Variants in OCIAD2 observed in about 807,000 individuals in gnomAD.
The protein encoded by OCIAD2 is OCIA domain-containing protein 2.
OCIAD2 carries 29 observed loss-of-function variants against 22.9 expected under a neutral mutation model. That is an observed-to-expected ratio of 1.27 (90% CI 0.94 to 1.73). OCIAD2 has a LOEUF of 1.73. OCIAD2 is among the 40% of genes most tolerant of loss of function. The pLI is 0.00. For missense variants in OCIAD2, 189 were observed against 180.3 expected, an observed-to-expected ratio of 1.05 and a Z score of -0.28; for synonymous variants, 67 against 60.2, an observed-to-expected ratio of 1.11 and a Z score of -0.52.
rs185850337 is a variant in OCIAD2 at position 48,902,942 on chromosome 4, G to C, written c.66+1542C>G. Among the ~76,000 whole-genome samples the C allele has an allele frequency of 7.2e-5, 11 of 152,138 alleles. No homozygotes were observed. In the East Asian group the frequency reaches 9.7e-4, roughly 13 times the overall value. On this transcript the variant is annotated intron_variant, in intron 2 of 6. Coordinates refer to ENST00000508632, the MANE Select transcript of OCIAD2 (RefSeq NM_001014446.3). ...CACTCTAGCCTGGATGACAGAGTGA[G>C]ACTCCATCTCAAAAAAAAAGGATCT...
intron 6 of OCIAD2, among the ~76,000 whole-genome samples, chr4:48,887,972 A>G (rs1203218683): frequency 1.3e-5 from 2 of 152,210 alleles, no homozygotes; most frequent in Admixed American, 1.3e-4. Context: ...ACCCATGAGC[A>G]TGGAATGTTC....
chr4:48,894,003 T>C lies in OCIAD2; in HGVS notation c.265+3A>G. The C allele has an allele frequency of 6.6e-7, 1 of 1,515,812 alleles. No homozygotes were observed. The highest frequency in any genetic ancestry group is 8.9e-7 in the Non-Finnish European group (1 of 1,125,868). 93.9% of individuals were successfully genotyped at this position (1,515,812 alleles called of 1,614,324 possible). A position where few individuals can be genotyped will look rare whatever the true frequency, so the allele number is the denominator to read the frequency against. ...GGCTTGCTTTTTTATTTCTATGACT[T>C]ACGTGCAACTTTGGGCAATGATCCA... On this transcript the variant is annotated splice_donor_region_variant and intron_variant, in intron 5 of 6. Coordinates refer to ENST00000508632, the MANE Select transcript of OCIAD2 (RefSeq NM_001014446.3).
intron 3 of OCIAD2, 28 bp downstream of exon 3, chr4:48,899,801 C>A: frequency 1.3e-6 from 2 of 1,520,024 alleles, no homozygotes; most frequent in South Asian, 2.3e-5. Flanking sequence ...CAGTTTACTG[C>A]CACAAATACA....
chr4:48,890,062 C>T (rs1441469568), intron 6 of OCIAD2, among the ~76,000 whole-genome samples: 1 of 134,272 alleles, frequency 7.4e-6, no homozygotes, highest in African/African-American at 2.9e-5. Context: ...ACAATGAGAA[C>T]ACTTGGACAC....
intron 6 of OCIAD2, among the ~76,000 whole-genome samples, chr4:48,886,676 T>A (rs1316447889): frequency 4.2e-4 from 64 of 152,240 alleles, no homozygotes; most frequent in African/African-American, 1.5e-3. Context: ...GAACTCATCC[T>A]TTTTTTATGG....
rs768258880 is a variant in OCIAD2 at position 48,885,524 on chromosome 4, C to A, written c.425G>T (p.Gly142Val). ...LTCEECKIKHGLSEKGDSQPS... is the reference protein window; with the variant it reads ...LTCEECKIKHVLSEKGDSQPS... ...CTGAGAGTCTCCCTTCTCACTTAAT[C>A]CATGCTTTATTTTGCATTCCTCACA... Residue 142 changes from glycine (G) to valine (V), a missense_variant, in exon 7 of 7, where the codon GGA (glycine) becomes GTA (valine). Gly to Val is a moderately radical substitution (Grantham distance 109). Coordinates refer to ENST00000508632, the MANE Select transcript of OCIAD2 (RefSeq NM_001014446.3). 6.2e-7 allele frequency: 1 copy of A among 1,611,846 alleles called. No individual in the cohort carries two copies. Among genetic ancestry groups the A allele is most frequent in the Non-Finnish European group, 8.5e-7 (1 of 1,177,940 alleles).
At chr4:48,903,556 T>A (rs1332708060) in intron 2 of OCIAD2, among the ~76,000 whole-genome samples, 1 of 151,588 alleles carries the variant, frequency 6.6e-6, no homozygotes, top group African/African-American at 2.4e-5. Flanking sequence ...TGCTCTGCTA[T>A]CAGAAACCTC....
chr4:48,895,313 T>A (rs79629909), intron 4 of OCIAD2, among the ~76,000 whole-genome samples: 1 of 152,202 alleles, frequency 6.6e-6, no homozygotes, highest in South Asian at 2.1e-4. Flanking sequence ...CTGAAAAAAA[T>A]GTATTAGCAT....
chr4:48,886,764 A>C (rs1392747504), intron 6 of OCIAD2, among the ~76,000 whole-genome samples: 4 of 152,028 alleles, frequency 2.6e-5, no homozygotes, highest in African/African-American at 4.8e-5. Flanking sequence ...GGTTGGTTCC[A>C]AGTCTTTGCT....
At chr4:48,899,478 T>A (rs559305129) in intron 3 of OCIAD2, among the ~76,000 whole-genome samples, 13 of 152,322 alleles carry the variant, frequency 8.5e-5, no homozygotes, top group Admixed American at 3.3e-4. Context: ...TTGACATTAT[T>A]TCTGAACCCT....
In OCIAD2 at chr4:48,885,230, C is replaced by G. The variant is rs1219284952; in HGVS notation, c.*254G>C. Reference sequence around the variant, plus strand: ...TCATGAACTCCTGACCTCAAATGATCTGCCTGCCTCGGCCTCCCAAAGTAC... The same window carrying G: ...TCATGAACTCCTGACCTCAAATGATGTGCCTGCCTCGGCCTCCCAAAGTAC... On this transcript the variant is annotated 3_prime_UTR_variant, in exon 7 of 7. Transcript: ENST00000508632. 2 of 361,330 alleles carry G rather than the reference C, an allele frequency of 5.5e-6. No individual in the cohort carries two copies. Among genetic ancestry groups the G allele is most frequent in the Non-Finnish European group, 5.0e-6 (1 of 199,676 alleles). The allele number at this position is 361,330 out of a possible 1,614,324, so 22.4% of individuals were successfully genotyped here.
At chr4:48,906,617 AC>A in intron 1 of OCIAD2, 40 bp downstream of exon 1, 1 of 151,172 alleles carries the variant, frequency 6.6e-6, no homozygotes. Flanking sequence ...CCCCGAGGCC[AC>A]CCCCTCCCGC....
intron 4 of OCIAD2, among the ~76,000 whole-genome samples, chr4:48,896,013 CAG>C (rs1358997862): frequency 3.3e-5 from 5 of 152,078 alleles, no homozygotes; most frequent in Admixed American, 2.0e-4. Flanking sequence ...GCCGGAGCGA[CAG>C]AGTGAGACTC....
At chr4:48,897,597 C>G (rs574347036) in intron 4 of OCIAD2, among the ~76,000 whole-genome samples, 1 of 152,308 alleles carries the variant, frequency 6.6e-6, no homozygotes, top group Admixed American at 6.5e-5. Context: ...CTTTAATTTC[C>G]TTTTGCCATG....
At chr4:48,904,256 A>G (rs1385223589) in intron 2 of OCIAD2, among the ~76,000 whole-genome samples, 1 of 152,174 alleles carries the variant, frequency 6.6e-6, no homozygotes, top group Non-Finnish European at 1.5e-5. Context: ...GTTTGAGACC[A>G]GCTTGGGCAA....
Position 48,892,771 on chromosome 4 carries a change from C to A in OCIAD2, c.383+1G>T. On this transcript the variant is annotated splice_donor_variant, in intron 6 of 6. Coordinates refer to ENST00000508632, the MANE Select transcript of OCIAD2 (RefSeq NM_001014446.3). LOFTEE classifies it high-confidence loss of function. Reference sequence around the variant, plus strand: ...ATCCCTCAACCAAACAGATTACAAACCTGTTATGCTGTGGACCAAAACCAG... The same window carrying A: ...ATCCCTCAACCAAACAGATTACAAAACTGTTATGCTGTGGACCAAAACCAG... The A allele has an allele frequency of 6.7e-7, 1 of 1,484,798 alleles. No homozygotes were observed. The highest frequency in any genetic ancestry group is 1.4e-5 in the African/African-American group (1 of 72,044). 92.0% of individuals were successfully genotyped at this position (1,484,798 alleles called of 1,614,324 possible).
chr4:48,906,363 A>T (rs939216262), intron 1 of OCIAD2, among the ~76,000 whole-genome samples: 1 of 151,862 alleles, frequency 6.6e-6, no homozygotes, highest in Non-Finnish European at 1.5e-5. Flanking sequence ...GATGGCTTGG[A>T]GGGGGGCGCC....
intron 6 of OCIAD2, among the ~76,000 whole-genome samples, chr4:48,889,330 C>T (rs925720822): frequency 6.0e-5 from 9 of 150,588 alleles, no homozygotes; most frequent in Non-Finnish European, 1.0e-4. Flanking sequence ...TTTTATGTCT[C>T]TATCTCCTGA....
intron 6 of OCIAD2, among the ~76,000 whole-genome samples, chr4:48,886,007 A>C (rs1158365252): frequency 6.6e-6 from 1 of 152,150 alleles, no homozygotes; most frequent in East Asian, 1.9e-4. Flanking sequence ...GCCCATGCCT[A>C]TGTCCTGAAT....
Sources: allele counts gnomAD v4.1 joint callset (sites outside exome capture counted in the v4.1 genomes callset), GRCh38; gene constraint gnomAD v4.1.1; transcripts MANE v1.5; gene names NCBI Gene and HGNC (gene_info 2026-07-23, HGNC 2026-07-21).